SELE: variants seen among roughly 807,000 people sequenced by gnomAD.
SELE encodes the protein E-selectin.
In SELE, 52 loss-of-function variants were observed where a neutral mutation model predicts 75.8. The observed-to-expected ratio is 0.69, with a 90% CI of 0.55 to 0.86. SELE has a LOEUF of 0.86. Among genes scored for constraint, SELE ranks in the 40% least tolerant of loss-of-function variants. The pLI is 0.00. For missense variants in SELE, 754 were observed against 732.7 expected (o/e 1.03, Z -0.34); for synonymous variants, 285 against 258.7 (o/e 1.10, Z -0.98).
At chr1:169,725,602 A>T in intron 13 of SELE, 127 bp downstream of exon 13, 2 of 691,236 alleles carry the variant, frequency 2.9e-6, no homozygotes, top group Non-Finnish European at 5.0e-6. Flanking sequence ...TTCCAGAACA[A>T]TACCCAGGTG....
chr1:169,729,065 G>T, intron 7 of SELE, 121 bp downstream of exon 7: 2 of 795,810 alleles, frequency 2.5e-6, no homozygotes, highest in Non-Finnish European at 3.9e-6. Context: ...TCAAAGATAC[G>T]AGGGTTGCTC....
At chr1:169,727,974 C>A (rs1648817773) in intron 8 of SELE, 47 bp from the exon 9 acceptor site, 1 of 1,592,352 alleles carries the variant, frequency 6.3e-7, no homozygotes, top group Non-Finnish European at 8.5e-7. Context: ...GCATCTCCAG[C>A]AATACGTTTC....
rs1277435487 is a variant in SELE, at chr1:169,730,538, A to C, written c.609T>G (p.Asn203Lys). 1.2e-6 allele frequency: 2 copies of C among 1,614,012 alleles called. No individual in the cohort carries two copies. Among genetic ancestry groups the C allele is most frequent in the East Asian group, 4.5e-5 (2 of 44,864 alleles). ...CSHPLGNFSYNSSCSISCDRG... is the reference protein window; with the variant it reads ...CSHPLGNFSYKSSCSISCDRG... ...TATCACAGCTGATAGAGCAGGAAGA[A>C]TTGTAGCTGAAGTTTCCCAGTGGGT... Residue 203 changes from asparagine (N) to lysine (K), a missense_variant, in exon 5 of 14, where the codon AAT (asparagine) becomes AAG (lysine). Asn to Lys is a moderately conservative substitution (Grantham distance 94). Transcript: ENST00000333360.
intron 11 of SELE, 149 bp downstream of exon 11, chr1:169,726,550 A>C (rs1648778557): frequency 1.5e-6 from 1 of 661,644 alleles, no homozygotes; most frequent in Non-Finnish European, 2.7e-6. Flanking sequence ...TGTACTACTA[A>C]CTCTTTTCTT....
At chr1:169,727,546 G>A in intron 9 of SELE, 21 bp from the exon 10 acceptor site, 1 of 1,591,798 alleles carries the variant, frequency 6.3e-7, no homozygotes, top group Non-Finnish European at 8.6e-7. Context: ...TAGGTACACA[G>A]GCAGAGTTTC....
chr1:169,727,694 G>A, intron 9 of SELE, 45 bp downstream of exon 9: 2 of 1,579,014 alleles, frequency 1.3e-6, no homozygotes, highest in Non-Finnish European at 1.7e-6. Flanking sequence ...GAAACTTTAT[G>A]AAGTATTTGA....
chr1:169,731,634 T>C (rs1216394388), intron 4 of SELE: 3 of 508,484 alleles, frequency 5.9e-6, no homozygotes, highest in Middle Eastern at 5.3e-4. Context: ...TAAACTATCT[T>C]GTCAAGGTGC....
intron 4 of SELE, among the ~76,000 whole-genome samples, chr1:169,730,921 C>A (rs3917417): frequency 6.6e-6 from 1 of 152,088 alleles, no homozygotes; most frequent in African/African-American, 2.4e-5. Context: ...ACAAACACAG[C>A]AAACTTAGGT....
chr1:169,723,025 T>A lies in SELE; in HGVS notation c.*1500A>T, dbSNP rs562171209. ...TGTTCAGCCAGAACTTCTCTGAAACTTTTTTTTCAACACATGCTAAGTTAA... is the reference window on the plus strand; with the variant it reads ...TGTTCAGCCAGAACTTCTCTGAAACATTTTTTTCAACACATGCTAAGTTAA... On this transcript the variant is annotated 3_prime_UTR_variant, in exon 14 of 14. Coordinates refer to ENST00000333360, the MANE Select transcript of SELE (RefSeq NM_000450.2). 27 of 152,178 alleles carry A rather than the reference T, an allele frequency of 1.8e-4. No homozygotes were observed. The highest frequency in any genetic ancestry group is 6.0e-4 in the African/African-American group (25 of 41,528). 9.4% of individuals were successfully genotyped at this position (152,178 alleles called of 1,614,324 possible).
In SELE at chr1:169,728,320, C is replaced by A. The variant is rs1036897870; in HGVS notation, c.1091-74G>T. On this transcript the variant is annotated intron_variant, in intron 7 of 13. Coordinates refer to ENST00000333360, the MANE Select transcript of SELE (RefSeq NM_000450.2). Reference sequence around the variant, plus strand: ...GTACTTGGCGTTTGTTGAGTGAACCCAGTTCATTCAAGCAACACTTGGAGA... The same window carrying A: ...GTACTTGGCGTTTGTTGAGTGAACCAAGTTCATTCAAGCAACACTTGGAGA... 2.2e-6 allele frequency: 3 copies of A among 1,366,436 alleles called. No homozygotes were observed. In the African/African-American group the frequency reaches 4.3e-5, roughly 20 times the overall value. 84.6% of individuals were successfully genotyped at this position (1,366,436 alleles called of 1,614,324 possible).
intron 3 of SELE, among the ~76,000 whole-genome samples, chr1:169,732,350 AT>A (rs1648931582): frequency 6.6e-6 from 1 of 150,598 alleles, no homozygotes; most frequent in Non-Finnish European, 1.5e-5. Flanking sequence ...TATATATAAA[AT>A]GTATATAAAT....
At chr1:169,726,299 A>G (rs1455464845) in intron 11 of SELE, among the ~76,000 whole-genome samples, 2 of 152,210 alleles carry the variant, frequency 1.3e-5, no homozygotes, top group East Asian at 3.8e-4. Context: ...CAAACAAACC[A>G]TGAGTGTAGT....
At chr1:169,726,843 G>T in intron 10 of SELE, 37 bp from the exon 11 acceptor site, 1 of 1,451,762 alleles carries the variant, frequency 6.9e-7, no homozygotes, top group South Asian at 1.2e-5. Flanking sequence ...TCATGAGGAA[G>T]AATTGATGTT....
chr1:169,729,286 G>A lies in SELE; in HGVS notation c.990C>T (p.Ser330=). ...SPAGEFTFKS[S]CNFTCEEGFM... ...AGCCTTCCTCACAGGTGAAGTTGCA[G>A]GATGATTTGAAGGTGAACTCTCCAG... The change falls in exon 7 of 14, where the codon TCC becomes TCT. Residue 330 remains serine (S), a synonymous_variant. Coordinates refer to ENST00000333360, the MANE Select transcript of SELE (RefSeq NM_000450.2). 1 of 1,614,120 alleles carries A rather than the reference G, an allele frequency of 6.2e-7. No individual in the cohort carries two copies. Among genetic ancestry groups the A allele is most frequent in the Non-Finnish European group, 8.5e-7 (1 of 1,180,000 alleles).
At chr1:169,724,735 T>C (rs555894058) in intron 13 of SELE, among the ~76,000 whole-genome samples, 1 of 152,240 alleles carries the variant, frequency 6.6e-6, no homozygotes. Flanking sequence ...CCTGTGGACA[T>C]TAATGAATAA....
At position 169,727,473 on chromosome 1, in the gene SELE, A is replaced by T. The variant is rs747714084; in HGVS notation, c.1521T>A (p.Ser507Arg). 6.2e-7 allele frequency: 1 copy of T among 1,614,152 alleles called. No homozygotes were observed. Among genetic ancestry groups the T allele is most frequent in the South Asian group, 1.1e-5 (1 of 91,084 alleles). Residue 507 changes from serine to arginine, a missense_variant, in exon 10 of 14, where the codon AGT (serine) becomes AGA (arginine). Coordinates refer to ENST00000333360, the MANE Select transcript of SELE (RefSeq NM_000450.2). ...AVPGKINMSC[S>R]GEPVFGTVCK... ...ACACAGTGCCAAACACGGGCTCCCCACTGCAGCTCATGTTGATCTTTCCCG... is the reference window on the plus strand; with the variant it reads ...ACACAGTGCCAAACACGGGCTCCCCTCTGCAGCTCATGTTGATCTTTCCCG...
rs1403377497 is a variant in SELE, at chr1:169,728,236, G to A, written c.1101C>T (p.Cys367=). The A allele has an allele frequency of 4.3e-6, 7 of 1,613,074 alleles. No individual in the cohort carries two copies. The highest frequency in any genetic ancestry group is 5.9e-6 in the Non-Finnish European group (7 of 1,179,718). ...CTCGCTCGGGGTTGGACAAGGCTGT[G>A]CACTGGAAAGCTGAGACATCAAAAT... ...QQIPVCEAFQ[C]TALSNPERGY... is the part of the protein sequence containing the mutation. The change falls in exon 8 of 14, where the codon TGC becomes TGT. Residue 367 remains cysteine, a synonymous_variant. Coordinates refer to ENST00000333360, the MANE Select transcript of SELE (RefSeq NM_000450.2).
In SELE at chr1:169,732,871, C is replaced by A; in HGVS notation, c.165G>T (p.Glu55Asp). ...THLVAIQNKE[E>D]IEYLNSILSY... ...TCAATATGGAGTTTAGGTACTCAAT[C>A]TCTTCTTTGTTTTGAATTGCAACCA... Residue 55 changes from glutamate (E) to aspartate (D), a missense_variant, in exon 3 of 14, where the codon GAG becomes GAT. Transcript: ENST00000333360. 2 of 1,614,162 alleles carry A rather than the reference C, an allele frequency of 1.2e-6. No individual in the cohort carries two copies. The highest frequency in any genetic ancestry group is 1.7e-6 in the Non-Finnish European group (2 of 1,180,020).
At chr1:169,729,037 A>T in intron 7 of SELE, 149 bp downstream of exon 7, 3 of 678,722 alleles carry the variant, frequency 4.4e-6, no homozygotes, top group Non-Finnish European at 7.2e-6. Context: ...GCCAAACATT[A>T]GTTCTTTTAA....
Sources: allele counts gnomAD v4.1 joint callset (sites outside exome capture counted in the v4.1 genomes callset), GRCh38; gene constraint gnomAD v4.1.1; transcripts MANE v1.5; gene names NCBI Gene and HGNC (gene_info 2026-07-23, HGNC 2026-07-21).